Variants in SEC62 observed in about 807,000 individuals in gnomAD.
The protein encoded by SEC62 is translocation protein SEC62.
A neutral mutation model predicts 47.5 loss-of-function variants in SEC62; 10 were observed. The ratio of observed to expected loss-of-function variants is 0.21; its 90% CI spans 0.13 to 0.36. The LOEUF (loss-of-function observed/expected upper bound fraction) is 0.36, where lower values mean the gene tolerates loss of function less well. Among genes scored for constraint, SEC62 ranks in the 10% least tolerant of loss-of-function variants. The probability of loss-of-function intolerance (pLI) is 1.00; values close to 1 mark genes in which losing one functional copy is unlikely to be tolerated. For missense variants in SEC62, 327 were observed against 464.1 expected (o/e 0.70, Z 2.71); for synonymous variants, 136 against 150.5 (o/e 0.90, Z 0.71).
chr3:169,982,068 A>G (rs1352866446), intron 3 of SEC62, among the ~76,000 whole-genome samples: 1 of 152,164 alleles, frequency 6.6e-6, no homozygotes, highest in Non-Finnish European at 1.5e-5. Flanking sequence ...ATTTAGAGAG[A>G]AATTAGTGAA....
intron 1 of SEC62, among the ~76,000 whole-genome samples, chr3:169,970,903 C>A (rs1030391992): frequency 6.6e-6 from 1 of 152,056 alleles, no homozygotes; most frequent in African/African-American, 2.4e-5. Context: ...CAAAAGAGAA[C>A]AAAGAGGGGG....
chr3:169,983,406 C>A, intron 5 of SEC62, 153 bp downstream of exon 5: 1 of 454,372 alleles, frequency 2.2e-6, no homozygotes, highest in South Asian at 4.2e-5. Flanking sequence ...TCAATAATTT[C>A]TCTTATTTAG....
intron 5 of SEC62, 119 bp downstream of exon 5, chr3:169,983,372 T>A: frequency 2.1e-6 from 1 of 480,532 alleles, no homozygotes; most frequent in Non-Finnish European, 3.7e-6. Flanking sequence ...CTTAAATGTA[T>A]AAAAGCTACT....
chr3:169,972,525 C>T (rs1254803695), intron 1 of SEC62, among the ~76,000 whole-genome samples: 3 of 151,642 alleles, frequency 2.0e-5, no homozygotes, highest in African/African-American at 7.3e-5. Flanking sequence ...AGGTGGTCTT[C>T]CTACCTCAGC....
chr3:169,998,212 G>T lies in SEC62; in HGVS notation c.*5149G>T, dbSNP rs1029580017. 3.9e-5 allele frequency: 6 copies of T among 152,050 alleles called. No individual in the cohort carries two copies. Among genetic ancestry groups the T allele is most frequent in the African/African-American group, 1.4e-4 (6 of 41,380 alleles). The allele number at this position is 152,050 out of a possible 1,614,324, so 9.4% of individuals were successfully genotyped here. A position where few individuals can be genotyped will look rare whatever the true frequency, so the allele number is the denominator to read the frequency against. Reference sequence around the variant, plus strand: ...ATCAGATCCACCAATGTTTCAAATAGGACTATAACTTATTCAAAGGCCAAT... The same window carrying T: ...ATCAGATCCACCAATGTTTCAAATATGACTATAACTTATTCAAAGGCCAAT... On this transcript the variant is annotated 3_prime_UTR_variant, in exon 8 of 8. Transcript: ENST00000337002.
At chr3:169,980,336 A>G (rs1361933929) in intron 3 of SEC62, among the ~76,000 whole-genome samples, 1 of 150,016 alleles carries the variant, frequency 6.7e-6, no homozygotes, top group Non-Finnish European at 1.5e-5. Context: ...GGAAAGTATG[A>G]GTAGTTGTGT....
chr3:169,985,900 A>AC, intron 6 of SEC62, 35 bp downstream of exon 6: 1 of 1,481,990 alleles, frequency 6.7e-7, no homozygotes, highest in Non-Finnish European at 9.3e-7. Flanking sequence ...ATAAAGTGCA[A>AC]TCTAAAATTT....
intron 6 of SEC62, among the ~76,000 whole-genome samples, chr3:169,987,591 A>C (rs896688599): frequency 1.3e-5 from 2 of 152,232 alleles, no homozygotes; most frequent in African/African-American, 4.8e-5. Flanking sequence ...GCCCAGGGTT[A>C]CATAGCTTAT....
intron 5 of SEC62, 26 bp downstream of exon 5, chr3:169,983,279 T>C (rs1287872880): frequency 6.6e-7 from 1 of 1,513,478 alleles, no homozygotes; most frequent in South Asian, 1.2e-5. Flanking sequence ...TAACTAGAAG[T>C]TCAGTTTTCT....
chr3:169,984,110 T>C (rs554432540), intron 5 of SEC62, among the ~76,000 whole-genome samples: 1 of 152,232 alleles, frequency 6.6e-6, no homozygotes, highest in Admixed American at 6.5e-5. Flanking sequence ...TTTCCTGTTA[T>C]ACCTATACAA....
In SEC62 at chr3:169,995,465, T is replaced by C. The variant is rs1385336682; in HGVS notation, c.*2402T>C. 3 of 152,230 alleles carry C rather than the reference T, an allele frequency of 2.0e-5. No individual in the cohort carries two copies. Among genetic ancestry groups the C allele is most frequent in the African/African-American group, 7.2e-5 (3 of 41,466 alleles). The allele number at this position is 152,230 out of a possible 1,614,324, so 9.4% of individuals were successfully genotyped here. ...AACTTTAATTGAAATAATATAGATT[T>C]AGTTGAATACTATTCAGGAAGTAAT... On this transcript the variant is annotated 3_prime_UTR_variant, in exon 8 of 8. Coordinates refer to ENST00000337002, the MANE Select transcript of SEC62 (RefSeq NM_003262.4).
At position 169,994,796 on chromosome 3, in the gene SEC62, A is replaced by G. The variant is rs965750200; in HGVS notation, c.*1733A>G. The G allele has an allele frequency of 6.6e-6, 1 of 152,136 alleles. No individual in the cohort carries two copies. The highest frequency in any genetic ancestry group is 2.1e-4 in the South Asian group (1 of 4,828). The allele number at this position is 152,136 out of a possible 1,614,324, so 9.4% of individuals were successfully genotyped here. A position where few individuals can be genotyped will look rare whatever the true frequency, so the allele number is the denominator to read the frequency against. ...AATTATTTCATTAACCTTTACTATT[A>G]CTGTGATAATACCCAGGCACTCAAT... is the stretch of plus-strand genomic sequence containing the variant. On this transcript the variant is annotated 3_prime_UTR_variant, in exon 8 of 8. Coordinates refer to ENST00000337002, the MANE Select transcript of SEC62 (RefSeq NM_003262.4).
Position 169,994,740 on chromosome 3 carries a change from G to T in SEC62, c.*1677G>T, listed in dbSNP as rs1437152783. The stretch of plus-strand genomic sequence containing the variant: ...ACCAGTAACATTGATACCTATTTTG[G>T]GGTATAAACATGGTGTTTTTCAGAA... On this transcript the variant is annotated 3_prime_UTR_variant, in exon 8 of 8. Transcript: ENST00000337002. 2.0e-5 allele frequency: 3 copies of T among 151,856 alleles called. No individual in the cohort carries two copies. The highest frequency in any genetic ancestry group is 4.4e-5 in the Non-Finnish European group (3 of 67,954). The allele number at this position is 151,856 out of a possible 1,614,324, so 9.4% of individuals were successfully genotyped here. A position where few individuals can be genotyped will look rare whatever the true frequency, so the allele number is the denominator to read the frequency against.
chr3:169,968,434 C>A (rs1054613916), intron 1 of SEC62: 3 of 151,874 alleles, frequency 2.0e-5, no homozygotes, highest in African/African-American at 7.3e-5. Context: ...TTGAGCCAAA[C>A]TGCCTGTTTG....
At chr3:169,979,821 TC>T (rs1475937983) in intron 3 of SEC62, among the ~76,000 whole-genome samples, 1 of 152,220 alleles carries the variant, frequency 6.6e-6, no homozygotes, top group African/African-American at 2.4e-5. Context: ...TTTTAAAATC[TC>T]CTGCCAGCTA....
At chr3:169,971,014 G>A (rs1390398895) in intron 1 of SEC62, among the ~76,000 whole-genome samples, 1 of 151,848 alleles carries the variant, frequency 6.6e-6, no homozygotes, top group East Asian at 1.9e-4. Context: ...CATGCACGTT[G>A]GATGTGGTGG....
In SEC62 at chr3:169,995,180, A is replaced by AT. The variant is rs1258302888; in HGVS notation, c.*2118dup. 13 of 152,186 alleles carry AT rather than the reference A, an allele frequency of 8.5e-5. No individual in the cohort carries two copies. Among genetic ancestry groups the AT allele is most frequent in the Admixed American group, 8.5e-4 (13 of 15,264 alleles). 9.4% of individuals were successfully genotyped at this position (152,186 alleles called of 1,614,324 possible). The stretch of plus-strand genomic sequence containing the variant: ...CATGGAAAATCGTTTATAATTGTTA[A>AT]TAGAATGGCGATTTTTTTTTAAGAA... On this transcript the variant is annotated 3_prime_UTR_variant, in exon 8 of 8. Transcript: ENST00000337002.
At chr3:169,990,427 CAT>C (rs1715218777) in intron 7 of SEC62, among the ~76,000 whole-genome samples, 1 of 152,038 alleles carries the variant, frequency 6.6e-6, no homozygotes, top group Admixed American at 6.6e-5. Context: ...TATTATAGTA[CAT>C]GTCACAGCTT....
At chr3:169,971,776 G>C (rs894736698) in intron 1 of SEC62, among the ~76,000 whole-genome samples, 1 of 152,126 alleles carries the variant, frequency 6.6e-6, no homozygotes, top group Non-Finnish European at 1.5e-5. Flanking sequence ...TACATGTGAT[G>C]CCTCTATCAG....
Sources: allele counts gnomAD v4.1 joint callset (sites outside exome capture counted in the v4.1 genomes callset), GRCh38; gene constraint gnomAD v4.1.1; transcripts MANE v1.5; gene names NCBI Gene and HGNC (gene_info 2026-07-23, HGNC 2026-07-21).